SNRNP200: variants seen among roughly 807,000 people sequenced by gnomAD.
SNRNP200 encodes the protein U5 small nuclear ribonucleoprotein 200 kDa helicase.
A neutral mutation model predicts 255.2 loss-of-function variants in SNRNP200; 66 were observed. The observed-to-expected ratio is 0.26, with a 90% confidence interval of 0.21 to 0.32. The LOEUF (loss-of-function observed/expected upper bound fraction) is 0.32. Ranked by LOEUF, SNRNP200 falls within the 10% of genes least tolerant of loss-of-function variation. SNRNP200 has a pLI of 1.00. For synonymous variants in SNRNP200, 939 were observed against 1,027.8 expected (o/e 0.91, Z 1.65); for missense variants, 1,585 against 2,749.8 (o/e 0.58, Z 9.47).
chr2:96,296,427 G>A, intron 13 of SNRNP200, 109 bp downstream of exon 13: 2 of 1,073,742 alleles, frequency 1.9e-6, no homozygotes, highest in South Asian at 1.3e-5. Flanking sequence ...ACAATCCCAG[G>A]AGGCATGCCA....
chr2:96,294,053 C>A (rs1041429873), intron 14 of SNRNP200, among the ~76,000 whole-genome samples: 1 of 151,104 alleles, frequency 6.6e-6, no homozygotes, highest in African/African-American at 2.4e-5. Flanking sequence ...ATGACCCCAA[C>A]CATGGATCAG....
rs772523648 is a variant in SNRNP200, at chr2:96,289,981, G to T, written c.2758C>A (p.Leu920Met). 1.2e-6 allele frequency: 2 copies of T among 1,614,188 alleles called. No homozygotes were observed. The highest frequency in any genetic ancestry group is 4.5e-5 in the East Asian group (2 of 44,894). ...VQNAKDAVNW[L>M]GYAYLYIRML... ...CGGATATAGAGGTAGGCATAGCCCAGCCAGTTCACCGCATCCTACAAGACA... is the reference window on the plus strand; with the variant it reads ...CGGATATAGAGGTAGGCATAGCCCATCCAGTTCACCGCATCCTACAAGACA... Residue 920 changes from leucine (L) to methionine (M), a missense_variant, in exon 21 of 45, where the codon CTG becomes ATG. By Grantham distance (15) the Leu-to-Met change is conservative. Transcript: ENST00000323853.
At position 96,278,561 on chromosome 2, in the gene SNRNP200, T is replaced by A; in HGVS notation, c.5474A>T (p.Asn1825Ile). Residue 1825 changes from asparagine (N) to isoleucine (I), a missense_variant, in exon 38 of 45, where the codon AAC becomes ATC. Physicochemically the swap from Asn to Ile is moderately radical, Grantham distance 149. Transcript: ENST00000323853. This position sits in a 1 kb window ranked among gnomAD's most constrained non-coding sequence, Gnocchi z 6.9. ...LGMIAAYYYI[N>I]YTTIELFSMS... The stretch of plus-strand genomic sequence containing the variant: ...CCGGGCCTCACCAATGGTGGTGTAG[T>A]TGATGTAATAGTAGGCGGCGATCAT... 1 of 1,613,916 alleles carries A rather than the reference T, an allele frequency of 6.2e-7. No individual in the cohort carries two copies. Among genetic ancestry groups the A allele is most frequent in the African/African-American group, 1.3e-5 (1 of 74,982 alleles).
In SNRNP200 at chr2:96,288,612, AT is replaced by A. The variant is rs768891870; in HGVS notation, c.3258+50del. Reference sequence around the variant, plus strand: ...CCCAGGATGCACACAGCACACAGGGATTGAACTGTTCAGGCCCCTTCTCACA... The same window carrying A: ...CCCAGGATGCACACAGCACACAGGGATGAACTGTTCAGGCCCCTTCTCACA... On this transcript the variant is annotated intron_variant, in intron 24 of 44. Transcript: ENST00000323853. 37 of 1,479,540 alleles carry A rather than the reference AT, an allele frequency of 2.5e-5. 1 individual carries two copies. The highest frequency in any genetic ancestry group is 3.5e-5 in the Non-Finnish European group (37 of 1,057,800). The allele number at this position is 1,479,540 out of a possible 1,614,324, so 91.7% of individuals were successfully genotyped here.
At chr2:96,301,480 AC>A (rs1558772433) in intron 4 of SNRNP200, 43 bp downstream of exon 4, 1 of 1,593,650 alleles carries the variant, frequency 6.3e-7, no homozygotes. Context: ...TTAGGGGTCA[AC>A]AACAACCAAT....
In SNRNP200 at chr2:96,287,951, G is replaced by C. The variant is rs1361735592; in HGVS notation, c.3277C>G (p.Arg1093Gly). The change falls in exon 25 of 45, where the codon CGA (arginine) becomes GGA (glycine). Residue 1093 changes from arginine to glycine, a missense_variant. By Grantham distance (125) the Arg-to-Gly change is moderately radical (BLOSUM62 -2). Coordinates refer to ENST00000323853, the MANE Select transcript of SNRNP200 (RefSeq NM_014014.5). This position sits in a 1 kb window ranked among gnomAD's most constrained non-coding sequence, Gnocchi z 5.7. Reference sequence around the variant, plus strand: ...TTCAGGACAATTTCAAATATCGCTCGCATCAACCGGCCAGCCGACTAAGCA... The same window carrying C: ...TTCAGGACAATTTCAAATATCGCTCCCATCAACCGGCCAGCCGACTAAGCA... ...YVTQSAGRLM[R>G]AIFEIVLNRG... 1.2e-6 allele frequency: 2 copies of C among 1,614,124 alleles called. No individual in the cohort carries two copies. The highest frequency in any genetic ancestry group is 3.3e-5 in the Admixed American group (2 of 60,024).
rs1684720379 is a variant in SNRNP200 at position 96,279,266 on chromosome 2, G to A, written c.5133+185C>T. ...GAAGACCTCAACACGTGGAGCCAAC[G>A]GCAGCAGCAAAAGCAAAAGGCAGCA... On this transcript the variant is annotated intron_variant, in intron 36 of 44. Transcript: ENST00000323853. 45 of 666,050 alleles carry A rather than the reference G, an allele frequency of 6.8e-5. 1 individual carries two copies. The East Asian group carries it at 1.0e-3, about 15-fold the overall frequency. 41.3% of individuals were successfully genotyped at this position (666,050 alleles called of 1,614,324 possible).
intron 2 of SNRNP200, among the ~76,000 whole-genome samples, chr2:96,304,503 G>C (rs1172524359): frequency 6.6e-6 from 1 of 152,142 alleles, no homozygotes; most frequent in Non-Finnish European, 1.5e-5. Flanking sequence ...GTAAGAAAAA[G>C]GTACCAACAA....
Position 96,279,237 on chromosome 2 carries a change from G to A in SNRNP200, c.5133+214C>T, listed in dbSNP as rs181805898. The A allele has an allele frequency of 9.2e-4, 597 of 646,346 alleles. 1 individual carries two copies. In the African/African-American group the frequency reaches 9.5e-3, roughly 10 times the overall value. The allele number at this position is 646,346 out of a possible 1,614,324, so 40.0% of individuals were successfully genotyped here. A position where few individuals can be genotyped will look rare whatever the true frequency, so the allele number is the denominator to read the frequency against. On this transcript the variant is annotated intron_variant, in intron 36 of 44. Coordinates refer to ENST00000323853, the MANE Select transcript of SNRNP200 (RefSeq NM_014014.5). The stretch of plus-strand genomic sequence containing the variant: ...AGGAGGAAGGAGAGAACCAAGTAGA[G>A]GGTGAAGACCTCAACACGTGGAGCC...
chr2:96,285,023 T>G, intron 30 of SNRNP200, 157 bp downstream of exon 30: 1 of 858,166 alleles, frequency 1.2e-6, no homozygotes, highest in South Asian at 1.4e-5. Context: ...GTGCTGGGAT[T>G]ACAGGCGTGA....
intron 21 of SNRNP200, 65 bp from the exon 22 acceptor site, chr2:96,289,444 C>A: frequency 3.2e-6 from 5 of 1,553,066 alleles, no homozygotes; most frequent in Non-Finnish European, 8.9e-7. Flanking sequence ...AACTGTGGAC[C>A]ATAAGTTACT....
Position 96,286,576 on chromosome 2 carries a change from G to A in SNRNP200, c.3830-92C>T, listed in dbSNP as rs1417802828. The A allele has an allele frequency of 1.9e-6, 3 of 1,586,422 alleles. No homozygotes were observed. Among genetic ancestry groups the A allele is most frequent in the Non-Finnish European group, 2.6e-6 (3 of 1,158,722 alleles). On this transcript the variant is annotated intron_variant, in intron 28 of 44. Coordinates refer to ENST00000323853, the MANE Select transcript of SNRNP200 (RefSeq NM_014014.5). The surrounding 1 kb of genome is among the most constrained non-coding windows in gnomAD (Gnocchi z 4.8). Reference sequence around the variant, plus strand: ...TCCATGAACACTGGAAACCTAGGCAGCATATGTATCACTCTGTCCCCAGCA... The same window carrying A: ...TCCATGAACACTGGAAACCTAGGCAACATATGTATCACTCTGTCCCCAGCA...
At position 96,277,901 on chromosome 2, in the gene SNRNP200, G is replaced by A. The variant is rs752668483; in HGVS notation, c.5660C>T (p.Pro1887Leu). The A allele has an allele frequency of 5.0e-6, 8 of 1,614,094 alleles. No individual in the cohort carries two copies. The highest frequency in any genetic ancestry group is 2.7e-5 in the African/African-American group (2 of 74,912). ...CAGGAGCAGGTTGGTCTTGACGTGC[G>A]GATCATTGAACTTAGGGTTATTCAG... ...HKLNNPKFND[P>L]HVKTNLLLQA... Residue 1887 changes from proline (P) to leucine (L), a missense_variant, in exon 40 of 45, where the codon CCG (proline) becomes CTG (leucine). This residue lies in a region of SNRNP200 where 279 missense variants were observed against 551.2 expected (regional missense o/e 0.51). Coordinates refer to ENST00000323853, the MANE Select transcript of SNRNP200 (RefSeq NM_014014.5). This position sits in a 1 kb window ranked among gnomAD's most constrained non-coding sequence, Gnocchi z 4.4.
At chr2:96,285,364 G>C (rs1259850718) in intron 29 of SNRNP200, 24 bp from the exon 30 acceptor site, 1 of 1,613,168 alleles carries the variant, frequency 6.2e-7, no homozygotes, top group Non-Finnish European at 8.5e-7. Context: ...GAAAGAAGCA[G>C]TGTAAGTATC....
intron 13 of SNRNP200, 82 bp from the exon 14 acceptor site, chr2:96,295,740 G>T: frequency 6.9e-7 from 1 of 1,454,664 alleles, no homozygotes. Context: ...TTGGAGTGTA[G>T]GGCATTGGGA....
chr2:96,280,918 T>C (rs1684749805), intron 35 of SNRNP200, among the ~76,000 whole-genome samples: 1 of 145,960 alleles, frequency 6.9e-6, no homozygotes, highest in South Asian at 2.2e-4. Context: ...AATGGCGCGA[T>C]CTTGGCTCAC....
At chr2:96,305,197 C>T (rs1182143777) in intron 1 of SNRNP200, among the ~76,000 whole-genome samples, 196 bp downstream of exon 1, 1 of 152,116 alleles carries the variant, frequency 6.6e-6, no homozygotes, top group East Asian at 1.9e-4. Context: ...AGAAACTCCT[C>T]CTAGAGAGAT....
In SNRNP200 at chr2:96,281,517, A is replaced by C. The variant is rs534811379; in HGVS notation, c.5024+297T>G. ...CTATATAGGTGTATGACCTCGACCA[A>C]GTCACTTTTCCTAATCTACAAGATG... On this transcript the variant is annotated intron_variant, in intron 35 of 44. Transcript: ENST00000323853. The C allele has an allele frequency of 7.0e-4, 276 of 391,790 alleles. 2 individuals carry two copies. The highest frequency in any genetic ancestry group is 5.4e-3 in the African/African-American group (260 of 48,192). 24.3% of individuals were successfully genotyped at this position (391,790 alleles called of 1,614,324 possible). A position where few individuals can be genotyped will look rare whatever the true frequency, so the allele number is the denominator to read the frequency against.
chr2:96,275,115 T>G lies in SNRNP200; in HGVS notation c.6308A>C (p.Asn2103Thr). The change falls in exon 45 of 45, where the codon AAC (asparagine) becomes ACC (threonine). Residue 2103 changes from asparagine (N) to threonine (T), a missense_variant. Physicochemically the swap from Asn to Thr is moderately conservative, Grantham distance 65 (BLOSUM62 0). This residue lies in a region of SNRNP200 where 279 missense variants were observed against 551.2 expected (regional missense o/e 0.51). Transcript: ENST00000323853. ...GTCACTCATGAAGTACAGAGTGTAGTTGTGGGCACCAGTGGCTGGGGCCAC... is the reference window on the plus strand; with the variant it reads ...GTCACTCATGAAGTACAGAGTGTAGGTGTGGGCACCAGTGGCTGGGGCCAC... The part of the protein sequence containing the change: ...DFVAPATGAH[N>T]YTLYFMSDAY... 1 of 1,614,240 alleles carries G rather than the reference T, an allele frequency of 6.2e-7. No individual in the cohort carries two copies. Among genetic ancestry groups the G allele is most frequent in the South Asian group, 1.1e-5 (1 of 91,086 alleles).
Sources: allele counts gnomAD v4.1 joint callset (sites outside exome capture counted in the v4.1 genomes callset), GRCh38; gene constraint gnomAD v4.1.1; regional missense constraint gnomAD v4.1.1; non-coding constraint Gnocchi (gnomAD v3.1); transcripts MANE v1.5; gene names NCBI Gene and HGNC (gene_info 2026-07-23, HGNC 2026-07-21).